The following RPS6KC1 variants were observed in gnomAD, a reference collection of about 807,000 sequenced individuals.
RPS6KC1 encodes ribosomal protein S6 kinase C1, also known as inactive ribosomal protein S6 kinase delta-1.
A neutral mutation model predicts 103.8 loss-of-function variants in RPS6KC1; 54 were observed. That is an observed-to-expected ratio of 0.52 (90% CI 0.42 to 0.65). RPS6KC1 has a LOEUF of 0.65. Among genes scored for constraint, RPS6KC1 ranks in the 30% least tolerant of loss-of-function variants. The pLI is 0.00. For missense variants in RPS6KC1, 1,151 were observed against 1,253.8 expected (o/e 0.92, Z 1.24); for synonymous variants, 439 against 438.7 (o/e 1.00, Z -0.01).
At chr1:213,335,294 T>C in the RPS6KC1 span, among the ~76,000 whole-genome samples, 1 of 152,168 alleles carries the variant, frequency 6.6e-6, no homozygotes, top group African/African-American at 2.4e-5. Flanking sequence ...GTTGTATTAG[T>C]TAGGATTAGC....
At chr1:213,198,832 C>T (rs889791703) in intron 8 of RPS6KC1, among the ~76,000 whole-genome samples, 1 of 152,110 alleles carries the variant, frequency 6.6e-6, no homozygotes, top group Non-Finnish European at 1.5e-5. Context: ...ACTTCTAACT[C>T]ATTATATGAG....
the RPS6KC1 span, among the ~76,000 whole-genome samples, chr1:213,515,453 G>A: frequency 6.6e-6 from 1 of 152,148 alleles, no homozygotes; most frequent in African/African-American, 2.4e-5. Flanking sequence ...CATATGGCTA[G>A]CCAGTTTTCC....
chr1:213,810,821 C>T, the RPS6KC1 span, among the ~76,000 whole-genome samples: 1 of 152,276 alleles, frequency 6.6e-6, no homozygotes, highest in Admixed American at 6.5e-5. Flanking sequence ...ATGTTACCAT[C>T]CTCATTTTAC....
At chr1:213,554,858 G>A in the RPS6KC1 span, among the ~76,000 whole-genome samples, 96 of 152,232 alleles carry the variant, frequency 6.3e-4, no homozygotes, top group African/African-American at 2.2e-3. Context: ...TGTCCATTAT[G>A]CATTTCATTA....
intron 6 of RPS6KC1, among the ~76,000 whole-genome samples, chr1:213,165,498 A>G (rs2090885402): frequency 6.6e-6 from 1 of 151,780 alleles, no homozygotes; most frequent in Non-Finnish European, 1.5e-5. Context: ...ATCTTGGCTC[A>G]CTGCAAGCTC....
At chr1:213,608,219 G>A in the RPS6KC1 span, among the ~76,000 whole-genome samples, 44 of 152,154 alleles carry the variant, frequency 2.9e-4, no homozygotes, top group Admixed American at 2.9e-3. Context: ...AGGTGGGGAG[G>A]GAGGTGGTGA....
the RPS6KC1 span, among the ~76,000 whole-genome samples, chr1:213,798,098 G>T: frequency 6.6e-6 from 1 of 152,130 alleles, no homozygotes; most frequent in African/African-American, 2.4e-5. Context: ...CCCATCATCG[G>T]GGAGACCAGG....
chr1:213,117,477 A>G, intron 5 of RPS6KC1, 67 bp downstream of exon 5: 1 of 877,778 alleles, frequency 1.1e-6, no homozygotes, highest in South Asian at 1.5e-5. Flanking sequence ...TCATATCTGC[A>G]TTGCAAAAAG....
chr1:213,520,609 T>C, the RPS6KC1 span, among the ~76,000 whole-genome samples: 1 of 152,124 alleles, frequency 6.6e-6, no homozygotes, highest in Non-Finnish European at 1.5e-5. Context: ...CCCTCCCTCG[T>C]TTCCTTCCTT....
intron 12 of RPS6KC1, among the ~76,000 whole-genome samples, chr1:213,245,761 AAC>A (rs1201800790): frequency 6.6e-6 from 1 of 152,120 alleles, no homozygotes; most frequent in Admixed American, 6.6e-5. Context: ...AAAAAGAAAA[AAC>A]ACACACACAG....
the RPS6KC1 span, among the ~76,000 whole-genome samples, chr1:213,736,879 T>C: frequency 1.3e-5 from 2 of 152,140 alleles, no homozygotes; most frequent in Non-Finnish European, 2.9e-5. Context: ...TTTAGGCCAA[T>C]ATTAGGGGTG....
chr1:213,164,828 C>T (rs976384643), intron 6 of RPS6KC1, among the ~76,000 whole-genome samples: 1 of 152,316 alleles, frequency 6.6e-6, no homozygotes, highest in East Asian at 1.9e-4. Flanking sequence ...CTTGGCCTCC[C>T]AAAGTGCTGG....
At chr1:213,742,018 A>G in the RPS6KC1 span, among the ~76,000 whole-genome samples, 1 of 152,194 alleles carries the variant, frequency 6.6e-6, no homozygotes, top group Non-Finnish European at 1.5e-5. Flanking sequence ...TAGAGGAGGA[A>G]CCAGTGCAAA....
At chr1:213,299,576 T>A in the RPS6KC1 span, among the ~76,000 whole-genome samples, 1 of 144,746 alleles carries the variant, frequency 6.9e-6, no homozygotes, top group African/African-American at 2.6e-5. Context: ...AAAAAATATG[T>A]CGTGAGCCAC....
At chr1:213,204,171 A>G (rs1158481878) in intron 8 of RPS6KC1, among the ~76,000 whole-genome samples, 2 of 152,160 alleles carry the variant, frequency 1.3e-5, no homozygotes, top group African/African-American at 2.4e-5. Flanking sequence ...TGCTGTGTTC[A>G]TGGTTTTTCT....
chr1:213,776,929 C>CTTACACG, the RPS6KC1 span, among the ~76,000 whole-genome samples: 120,686 of 151,666 alleles, frequency 0.8, 48,628 homozygotes, highest in East Asian at 0.98. Flanking sequence ...GGCTTCTTTC[C>CTTACACG]TTATAAACCA....
At chr1:213,754,013 T>C in the RPS6KC1 span, among the ~76,000 whole-genome samples, 1 of 152,030 alleles carries the variant, frequency 6.6e-6, no homozygotes, top group Non-Finnish European at 1.5e-5. Flanking sequence ...TGGGAGTACA[T>C]GGCAGTCTGG....
the RPS6KC1 span, among the ~76,000 whole-genome samples, chr1:213,573,975 A>G: frequency 8.5e-5 from 13 of 152,216 alleles, no homozygotes; most frequent in African/African-American, 3.1e-4. Context: ...CCAATGGCTG[A>G]TAGTCCCAGG....
chr1:213,397,889 C>T, the RPS6KC1 span, among the ~76,000 whole-genome samples: 2 of 152,180 alleles, frequency 1.3e-5, no homozygotes, highest in African/African-American at 2.4e-5. Flanking sequence ...AACAAAGCTT[C>T]CTCTGTTTGC....
Sources: allele counts gnomAD v4.1 joint callset (sites outside exome capture counted in the v4.1 genomes callset), GRCh38; gene constraint gnomAD v4.1.1; transcripts MANE v1.5; gene names NCBI Gene and HGNC (gene_info 2026-07-23, HGNC 2026-07-21).